ERC2: variants seen among roughly 807,000 people sequenced by gnomAD.
ERC2 encodes ERC protein 2.
Under a neutral mutation model 114.8 loss-of-function variants are expected in ERC2, and 42 were observed. The observed-to-expected ratio is 0.37, with a 90% CI of 0.29 to 0.47. The LOEUF (loss-of-function observed/expected upper bound fraction) is 0.47, where lower values mean the gene tolerates loss of function less well. ERC2 is among the 20% of genes least tolerant of loss of function. ERC2 has a pLI of 0.99. For synonymous variants in ERC2, 454 were observed against 425.5 expected, an observed-to-expected ratio of 1.07 and a Z score of -0.82; for missense variants, 939 against 1,150.7, an observed-to-expected ratio of 0.82 and a Z score of 2.66.
intron 7 of ERC2, among the ~76,000 whole-genome samples, chr3:56,059,076 T>C (rs1168519869): frequency 2.1e-5 from 3 of 144,120 alleles, no homozygotes; most frequent in Non-Finnish European, 4.5e-5. Context: ...CACATAAAGA[T>C]ATCTTTTTTT....
chr3:56,391,453 CA>C (rs1157412533), intron 2 of ERC2, among the ~76,000 whole-genome samples: 6 of 152,178 alleles, frequency 3.9e-5, no homozygotes, highest in Non-Finnish European at 7.4e-5. Context: ...GTATTACCAC[CA>C]TTTCCATTTT....
rs117820695 is a variant in ERC2, at chr3:56,315,221, C to T, written c.658-18786G>A. Among the ~76,000 whole-genome samples the T allele has an allele frequency of 1.7e-3, 261 of 152,126 alleles. 1 individual carries two copies. The highest frequency in any genetic ancestry group is 0.012 in the East Asian group (61 of 5,180). ...TTTTCAGATTTGACATTCTTCTACC[C>T]GGGAGCTTAAGGACTTTAAAAAGGG... On this transcript the variant is annotated intron_variant, in intron 2 of 17. Coordinates refer to ENST00000288221, the MANE Select transcript of ERC2 (RefSeq NM_015576.3).
chr3:55,717,739 A>C (rs570595403), intron 15 of ERC2, among the ~76,000 whole-genome samples: 16 of 152,178 alleles, frequency 1.1e-4, no homozygotes, highest in Non-Finnish European at 2.4e-4. Context: ...TATCCTTTGC[A>C]TTCTCTGAGT....
intron 13 of ERC2, among the ~76,000 whole-genome samples, chr3:55,895,109 T>G (rs1265649422): frequency 6.6e-6 from 1 of 152,208 alleles, no homozygotes; most frequent in East Asian, 1.9e-4. Flanking sequence ...CAGTCAGATA[T>G]GAGTCAAGTT....
intron 14 of ERC2, among the ~76,000 whole-genome samples, chr3:55,871,074 AG>A (rs2062562303): frequency 6.6e-6 from 1 of 152,196 alleles, no homozygotes; most frequent in Non-Finnish European, 1.5e-5. Flanking sequence ...TACCTAATTG[AG>A]GGATATTTGG....
intron 3 of ERC2, among the ~76,000 whole-genome samples, chr3:56,230,522 A>G (rs2050550730): frequency 6.6e-6 from 1 of 152,124 alleles, no homozygotes; most frequent in Admixed American, 6.5e-5. Flanking sequence ...AGCCTACCAA[A>G]GTGCTGGGAT....
At position 56,287,616 on chromosome 3, in the gene ERC2, A is replaced by G. The variant is rs1173838241; in HGVS notation, c.1074+8403T>C. 2.0e-5 allele frequency among the ~76,000 whole-genome samples: 3 copies of G among 152,324 alleles called. 1 individual carries two copies. In the Middle Eastern group the frequency reaches 0.01, roughly 518 times the overall value. ...AGCCTTTTGCATTTCTTCCTTTTTC[A>G]CATTTATGAGAAAATAACCTTCAGC... On this transcript the variant is annotated intron_variant, in intron 3 of 17. Coordinates refer to ENST00000288221, the MANE Select transcript of ERC2 (RefSeq NM_015576.3).
chr3:55,548,759 T>C (rs189260981), intron 17 of ERC2, among the ~76,000 whole-genome samples: 8 of 152,298 alleles, frequency 5.3e-5, no homozygotes, highest in Admixed American at 3.3e-4. Context: ...GTCCCAAATG[T>C]GCACTGTTCA....
At chr3:55,896,177 A>G (rs1290393468) in intron 13 of ERC2, among the ~76,000 whole-genome samples, 3 of 152,210 alleles carry the variant, frequency 2.0e-5, no homozygotes, top group African/African-American at 4.8e-5. Flanking sequence ...TCTGCTGGAC[A>G]CTAGCCACAG....
intron 6 of ERC2, among the ~76,000 whole-genome samples, chr3:56,101,027 G>T (rs1434961452): frequency 6.6e-6 from 1 of 152,182 alleles, no homozygotes; most frequent in African/African-American, 2.4e-5. Flanking sequence ...CTACAGTTCT[G>T]AATGGAAAGT....
rs572814921 is a variant in ERC2, at chr3:56,422,729, G to T, written c.657+11622C>A. Among the ~76,000 whole-genome samples the T allele has an allele frequency of 2.0e-5, 3 of 152,220 alleles. No homozygotes were observed. In the South Asian group the frequency reaches 6.2e-4, roughly 32 times the overall value. On this transcript the variant is annotated intron_variant, in intron 2 of 17. Coordinates refer to ENST00000288221, the MANE Select transcript of ERC2 (RefSeq NM_015576.3). ...AGACAGTGGAAAGAGCACAATTTTA[G>T]AGCTAAGCATACCTGAGATCAAATC...
intron 1 of ERC2, among the ~76,000 whole-genome samples, chr3:56,451,323 G>C (rs2062820610): frequency 6.6e-6 from 1 of 151,904 alleles, no homozygotes; most frequent in Admixed American, 6.6e-5. Context: ...AAAGAATATA[G>C]GCATAATCAC....
chr3:55,696,423 T>C (rs985113540), intron 16 of ERC2, among the ~76,000 whole-genome samples: 2 of 152,208 alleles, frequency 1.3e-5, no homozygotes, highest in Admixed American at 1.3e-4. Flanking sequence ...AAAGAGACCT[T>C]TCCCCTTTAA....
chr3:56,169,256 A>C (rs2082492225), intron 4 of ERC2, among the ~76,000 whole-genome samples: 1 of 152,230 alleles, frequency 6.6e-6, no homozygotes, highest in Non-Finnish European at 1.5e-5. Context: ...TCTTTGATAA[A>C]TTCTGCTGAA....
At chr3:55,734,118 G>A (rs2065473150) in intron 15 of ERC2, among the ~76,000 whole-genome samples, 1 of 152,200 alleles carries the variant, frequency 6.6e-6, no homozygotes, top group Non-Finnish European at 1.5e-5. Context: ...GCACAAGTTA[G>A]AACTATGCCC....
intron 17 of ERC2, among the ~76,000 whole-genome samples, chr3:55,654,204 G>T (rs1357389025): frequency 2.0e-5 from 3 of 152,198 alleles, no homozygotes; most frequent in Admixed American, 6.5e-5. Context: ...ATTCCAGGCT[G>T]TCTAGCAGGG....
chr3:56,428,567 G>GGGAGGGGGAGAGAA (rs374805730), intron 2 of ERC2, among the ~76,000 whole-genome samples: 1 of 125,550 alleles, frequency 8.0e-6, no homozygotes, highest in Non-Finnish European at 1.7e-5. Flanking sequence ...GAGGGAGGGA[G>GGGAGGGGGAGAGAA]GGAGGGGAGA....
Position 55,734,823 on chromosome 3 carries a change from A to G in ERC2, c.2660T>C (p.Val887Ala). 6.2e-7 allele frequency: 1 copy of G among 1,613,166 alleles called. No homozygotes were observed. The highest frequency in any genetic ancestry group is 1.1e-5 in the South Asian group (1 of 90,960). ...GTCTTTTTCCCGCTTGAGGGCCATG[A>G]CTTCTTCCTGCGTCTTTTTCTTTTT... is the stretch of plus-strand genomic sequence containing the variant. ...ASKKKKTQEEVMALKREKDRL... is the reference protein window; with the variant it reads ...ASKKKKTQEEAMALKREKDRL... Residue 887 changes from valine (V) to alanine (A), a missense_variant, in exon 15 of 18, where the codon GTC becomes GCC. This residue lies in a region of ERC2 where 328 missense variants were observed against 353.9 expected (regional missense o/e 0.93). Coordinates refer to ENST00000288221, the MANE Select transcript of ERC2 (RefSeq NM_015576.3).
chr3:55,965,275 C>T (rs6445759), intron 12 of ERC2, among the ~76,000 whole-genome samples: 2,294 of 152,310 alleles, frequency 0.015, 59 homozygotes, highest in African/African-American at 0.053. Flanking sequence ...TCTACTTCTA[C>T]GCTATCCAGT....
Sources: gnomAD v4.1 joint callset for allele counts (sites outside exome capture counted in the v4.1 genomes callset) on GRCh38, gnomAD v4.1.1 for gene constraint, gnomAD v4.1.1 regional missense constraint, MANE v1.5 for transcripts, NCBI Gene and HGNC (gene_info 2026-07-23, HGNC 2026-07-21) for gene names.